Variants in SMTNL2 observed in about 807,000 individuals in gnomAD.
SMTNL2 encodes the protein smoothelin like 2, also known as smoothelin-like protein 2.
SMTNL2 carries 43 observed loss-of-function variants against 44.1 expected under a neutral mutation model. The observed-to-expected ratio is 0.98, with a 90% CI of 0.76 to 1.26. The LOEUF is 1.26. Among genes scored for constraint, SMTNL2 ranks in the 50% most tolerant of loss-of-function variants. The pLI is 0.00. For synonymous variants in SMTNL2, 317 were observed against 287.6 expected (o/e 1.10, Z -1.03); for missense variants, 646 against 670.2 (o/e 0.96, Z 0.40).
chr17:4,601,689 A>ATT, intron 7 of SMTNL2, among the ~76,000 whole-genome samples: 1 of 144,774 alleles, frequency 6.9e-6, no homozygotes. Flanking sequence ...ACACTTGGCT[A>ATT]TTTTTTTTTT....
intron 7 of SMTNL2, among the ~76,000 whole-genome samples, chr17:4,606,289 T>G (rs1411354257): frequency 6.6e-6 from 1 of 151,764 alleles, no homozygotes; most frequent in Non-Finnish European, 1.5e-5. Flanking sequence ...GCCCGGCTAA[T>G]TTTTGTATTT....
intron 1 of SMTNL2, among the ~76,000 whole-genome samples, chr17:4,591,200 G>T (rs554501674): frequency 1.3e-5 from 2 of 152,322 alleles, no homozygotes; most frequent in South Asian, 4.1e-4. Flanking sequence ...CCCAATGGCA[G>T]GGTGGCACCT....
intron 1 of SMTNL2, among the ~76,000 whole-genome samples, chr17:4,585,678 A>G (rs1181034988): frequency 6.6e-6 from 1 of 152,214 alleles, no homozygotes; most frequent in Admixed American, 6.5e-5. Flanking sequence ...ACCAGTCACT[A>G]CCTTGCGCAT....
intron 4 of SMTNL2, 45 bp downstream of exon 4, chr17:4,593,942 G>A (rs376056718): frequency 1.9e-5 from 30 of 1,605,088 alleles, no homozygotes; most frequent in Non-Finnish European, 2.5e-5. Flanking sequence ...CGCCCCAGGT[G>A]TCTTCTCTGC....
chr17:4,595,259 C>CCGCACCT lies in SMTNL2; in HGVS notation c.924_930dup (p.Glu311HisfsTer12). ...AGCTGGTGAGGTCGCAGACGCTGCC[C>CCGCACCT]CGCACCTCGGAGGCGCAGGCCCGGA... On this transcript the variant is annotated frameshift_variant, in exon 5 of 8. Transcript: ENST00000389313. LOFTEE classifies it high-confidence loss of function. The surrounding 1 kb of genome is among the most constrained non-coding windows in gnomAD (Gnocchi z 5.1). 1 of 1,613,258 alleles carries CCGCACCT rather than the reference C, an allele frequency of 6.2e-7. No homozygotes were observed.
intron 5 of SMTNL2, 39 bp from the exon 6 acceptor site, chr17:4,596,821 T>G (rs1909833933): frequency 7.1e-7 from 1 of 1,414,242 alleles, no homozygotes; most frequent in African/African-American, 1.5e-5. Context: ...AGATGGCAGC[T>G]GGAGGGGCCC....
chr17:4,601,159 A>G (rs1048713483), intron 7 of SMTNL2, among the ~76,000 whole-genome samples: 1 of 152,184 alleles, frequency 6.6e-6, no homozygotes, highest in Non-Finnish European at 1.5e-5. Context: ...CTGCGATCCA[A>G]TCCCAGGACT....
At position 4,596,963 on chromosome 17, in the gene SMTNL2, A is replaced by G; in HGVS notation, c.1093A>G (p.Thr365Ala). 1 of 1,514,014 alleles carries G rather than the reference A, an allele frequency of 6.6e-7. No homozygotes were observed. The allele number at this position is 1,514,014 out of a possible 1,614,324, so 93.8% of individuals were successfully genotyped here. ...QILLEWCRSKTLGYQHVDLQN... is the reference protein window; with the variant it reads ...QILLEWCRSKALGYQHVDLQN... ...CCTGCTCGAGTGGTGCCGCAGCAAG[A>G]CGCTGGGCTACCAGGTGAGCCCCGG... Residue 365 changes from threonine to alanine, a missense_variant, in exon 6 of 8, where the codon ACG becomes GCG. Transcript: ENST00000389313.
rs996752074 is a variant in SMTNL2 at position 4,598,462 on chromosome 17, C to T, written c.1259+1139C>T. ...TCCCTGCCTTTGTGCCTTGTGTTGT[C>T]AGCCTCTGACGTCGGTCTACAACCG... On this transcript the variant is annotated intron_variant, in intron 7 of 7. Transcript: ENST00000389313. This position sits in a 1 kb window ranked among gnomAD's most constrained non-coding sequence, Gnocchi z 4.8. 2.6e-5 allele frequency among the ~76,000 whole-genome samples: 4 copies of T among 152,208 alleles called. No individual in the cohort carries two copies. Among genetic ancestry groups the T allele is most frequent in the Non-Finnish European group, 5.9e-5 (4 of 68,038 alleles).
chr17:4,586,761 G>A (rs928236116), intron 1 of SMTNL2, among the ~76,000 whole-genome samples: 5 of 152,154 alleles, frequency 3.3e-5, no homozygotes, highest in South Asian at 2.1e-4. Flanking sequence ...GAGCTGGGCC[G>A]TGGGCCTTGG....
intron 3 of SMTNL2, 72 bp from the exon 4 acceptor site, chr17:4,593,750 A>C: frequency 6.7e-7 from 1 of 1,487,312 alleles, no homozygotes; most frequent in Non-Finnish European, 9.3e-7. Context: ...GGGCTGGGTC[A>C]GAGGAAGGGA....
chr17:4,587,434 T>C (rs1017518270), intron 1 of SMTNL2, among the ~76,000 whole-genome samples: 10 of 152,206 alleles, frequency 6.6e-5, no homozygotes, highest in African/African-American at 2.4e-4. Context: ...GCCATCCCCA[T>C]GTGCTGGCTC....
chr17:4,597,884 G>A (rs1487187617), intron 7 of SMTNL2, among the ~76,000 whole-genome samples: 2 of 152,182 alleles, frequency 1.3e-5, no homozygotes, highest in Admixed American at 6.5e-5. Context: ...GGGTCAGGAG[G>A]CACCTGGAAA....
rs545334032 is a variant in SMTNL2, at chr17:4,598,221, C to T, written c.1259+898C>T. On this transcript the variant is annotated intron_variant, in intron 7 of 7. Transcript: ENST00000389313. This position sits in a 1 kb window ranked among gnomAD's most constrained non-coding sequence, Gnocchi z 4.8. The stretch of plus-strand genomic sequence containing the variant: ...GGGAGCTGTGGATAAGTGTCCCAAC[C>T]TCATTCCCCTCCTGCCTCACGCCAG... Among the ~76,000 whole-genome samples the T allele has an allele frequency of 5.3e-5, 8 of 152,306 alleles. No homozygotes were observed. Among genetic ancestry groups the T allele is most frequent in the African/African-American group, 1.7e-4 (7 of 41,570 alleles).
At chr17:4,589,938 CTTTTTTTTTTTTTT>C (rs780984262) in intron 1 of SMTNL2, among the ~76,000 whole-genome samples, 1 of 59,872 alleles carries the variant, frequency 1.7e-5, no homozygotes, top group East Asian at 5.7e-4. Flanking sequence ...ACGCACCTGG[CTTTTTTTTTTTTTT>C]TTTTTTTTTT....
At chr17:4,591,341 C>T (rs78892147) in intron 1 of SMTNL2, among the ~76,000 whole-genome samples, 2,518 of 152,358 alleles carry the variant, frequency 0.017, 60 homozygotes, top group African/African-American at 0.054. Context: ...GTCCTGGGCT[C>T]GTGGTGGAGC....
upstream of SMTNL2, chr17:4,584,074 G>A (rs930220470): frequency 6.6e-6 from 1 of 152,400 alleles, no homozygotes; most frequent in African/African-American, 2.4e-5. Context: ...ACAGATACAA[G>A]AAATTCCAGG....
intron 7 of SMTNL2, among the ~76,000 whole-genome samples, chr17:4,605,763 C>T (rs1368392357): frequency 4.6e-5 from 7 of 152,166 alleles, no homozygotes; most frequent in Non-Finnish European, 5.9e-5. Context: ...CAAGTGCGAT[C>T]GTTTTTGCCT....
chr17:4,593,692 G>A, intron 3 of SMTNL2, 130 bp from the exon 4 acceptor site: 1 of 862,896 alleles, frequency 1.2e-6, no homozygotes, highest in South Asian at 1.6e-5. Context: ...GGCCAGCTTA[G>A]CCCAGAAGGT....
Sources: gnomAD v4.1 joint callset for allele counts (sites outside exome capture counted in the v4.1 genomes callset) on GRCh38, gnomAD v4.1.1 for gene constraint, Gnocchi (gnomAD v3.1) non-coding constraint, MANE v1.5 for transcripts, NCBI Gene and HGNC (gene_info 2026-07-23, HGNC 2026-07-21) for gene names.